Variants in CSMD1 observed in about 807,000 individuals in gnomAD.
CSMD1 encodes the protein CUB and Sushi multiple domains 1.
Under a neutral mutation model 417.5 loss-of-function variants are expected in CSMD1, and 213 were observed. The ratio of observed to expected loss-of-function variants is 0.51; its 90% CI spans 0.46 to 0.57. CSMD1 has a LOEUF of 0.57. Ranked by LOEUF, CSMD1 falls within the 20% of genes least tolerant of loss-of-function variation. CSMD1 has a pLI of 0.00. For synonymous variants in CSMD1, 2,862 were observed against 1,736.8 expected, an observed-to-expected ratio of 1.65 and a Z score of -16.11; for missense variants, 6,923 against 4,529.7, an observed-to-expected ratio of 1.53 and a Z score of -15.17.
At chr8:4,036,168 A>C (rs536314536) in intron 3 of CSMD1, among the ~76,000 whole-genome samples, 30 of 152,270 alleles carry the variant, frequency 2.0e-4, no homozygotes, top group African/African-American at 7.0e-4. Flanking sequence ...GGGTTTGTGT[A>C]AGTGTGCTCT....
rs569981811 is a variant in CSMD1, at chr8:3,492,224, T to TC, written c.1448+1398dup. Among the ~76,000 whole-genome samples, 282 of 152,210 alleles carry TC rather than the reference T, an allele frequency of 1.9e-3. 1 individual carries two copies. Among genetic ancestry groups the TC allele is most frequent in the Middle Eastern group, 6.8e-3 (2 of 294 alleles). Reference sequence around the variant, plus strand: ...TCCATTGCTTCAGTGGAGTGTTATTTCCCCAAGCAACCAGTGGCATGCCGC... The same window carrying TC: ...TCCATTGCTTCAGTGGAGTGTTATTTCCCCCAAGCAACCAGTGGCATGCCGC... On this transcript the variant is annotated intron_variant, in intron 11 of 69. Transcript: ENST00000635120.
At position 3,278,491 on chromosome 8, in the gene CSMD1, G is replaced by A. The variant is rs554916560; in HGVS notation, c.4153+5653C>T. Reference sequence around the variant, plus strand: ...ATTGAATAAATGTCATTTTTGCTTGGAAACAATGGCCACACTTAAAACATC... The same window carrying A: ...ATTGAATAAATGTCATTTTTGCTTGAAAACAATGGCCACACTTAAAACATC... On this transcript the variant is annotated intron_variant, in intron 26 of 69. Coordinates refer to ENST00000635120, the MANE Select transcript of CSMD1 (RefSeq NM_033225.6). The A allele has an allele frequency of 3.3e-5, 5 of 152,150 alleles. No homozygotes were observed. In the East Asian group the frequency reaches 7.7e-4, roughly 24 times the overall value. 9.4% of individuals were successfully genotyped at this position (152,150 alleles called of 1,614,324 possible).
chr8:4,042,620 A>C (rs1323486445), intron 3 of CSMD1, among the ~76,000 whole-genome samples: 1 of 151,976 alleles, frequency 6.6e-6, no homozygotes, highest in South Asian at 2.1e-4. Context: ...CGTATGGGGA[A>C]TTATAAAATA....
At chr8:3,956,788 T>A (rs1811977352) in intron 5 of CSMD1, among the ~76,000 whole-genome samples, 1 of 152,064 alleles carries the variant, frequency 6.6e-6, no homozygotes, top group Admixed American at 6.5e-5. Flanking sequence ...GAAGAATCGA[T>A]TTAGGAGCTT....
intron 3 of CSMD1, among the ~76,000 whole-genome samples, chr8:4,152,495 C>T (rs554366917): frequency 1.3e-5 from 2 of 149,034 alleles, no homozygotes; most frequent in East Asian, 2.0e-4. Context: ...ATGGAAAACA[C>T]TGCAAAGCCC....
intron 26 of CSMD1, chr8:3,279,029 G>C (rs982553976): frequency 1.3e-5 from 2 of 152,152 alleles, no homozygotes; most frequent in African/African-American, 4.8e-5. Flanking sequence ...ATGTTTATCA[G>C]GTTCTCAGGG....
At chr8:4,611,268 T>C (rs1415788063) in intron 2 of CSMD1, among the ~76,000 whole-genome samples, 2 of 152,202 alleles carry the variant, frequency 1.3e-5, no homozygotes, top group Admixed American at 1.3e-4. Context: ...CTTAATCCTG[T>C]GTTGTGAAAA....
intron 25 of CSMD1, among the ~76,000 whole-genome samples, chr8:3,295,201 T>A (rs1179982567): frequency 1.3e-5 from 2 of 152,104 alleles, no homozygotes; most frequent in Non-Finnish European, 2.9e-5. Context: ...CTTGGCTCAC[T>A]GGAAGCTCTG....
chr8:3,422,146 C>T (rs1035495415), intron 12 of CSMD1, among the ~76,000 whole-genome samples: 2 of 152,134 alleles, frequency 1.3e-5, no homozygotes, highest in Non-Finnish European at 2.9e-5. Flanking sequence ...TACTCTGCAC[C>T]AGTGTTTCAT....
intron 1 of CSMD1, among the ~76,000 whole-genome samples, chr8:4,909,601 C>A (rs1211394503): frequency 6.6e-6 from 1 of 152,138 alleles, no homozygotes; most frequent in African/African-American, 2.4e-5. Context: ...CTGGAATTTT[C>A]ACCGTGAGCA....
At chr8:3,469,980 T>TCATA (rs1269549409) in intron 11 of CSMD1, among the ~76,000 whole-genome samples, 2 of 152,226 alleles carry the variant, frequency 1.3e-5, no homozygotes, top group African/African-American at 2.4e-5. Context: ...TCTTTCTTAT[T>TCATA]CATACATTTA....
At chr8:4,693,698 C>G (rs774170833) in intron 1 of CSMD1, among the ~76,000 whole-genome samples, 3 of 151,808 alleles carry the variant, frequency 2.0e-5, no homozygotes, top group African/African-American at 7.3e-5. Context: ...TGAGGTCTCC[C>G]TACGCTTCCC....
chr8:4,954,046 T>C (rs1242112133), intron 1 of CSMD1, among the ~76,000 whole-genome samples: 1 of 152,076 alleles, frequency 6.6e-6, no homozygotes, highest in Non-Finnish European at 1.5e-5. Context: ...AAGAATTGAG[T>C]GCTTTTCTTT....
At chr8:4,837,036 T>G (rs1019855347) in intron 1 of CSMD1, among the ~76,000 whole-genome samples, 4 of 149,548 alleles carry the variant, frequency 2.7e-5, no homozygotes, top group African/African-American at 1.0e-4. Context: ...TTGTTGTTGT[T>G]GTTAAGAGAC....
chr8:3,077,301 C>T (rs1813752618), intron 49 of CSMD1, among the ~76,000 whole-genome samples: 1 of 152,170 alleles, frequency 6.6e-6, no homozygotes, highest in Non-Finnish European at 1.5e-5. Context: ...CAGTGGGTGC[C>T]TAGGTCCCCC....
intron 1 of CSMD1, among the ~76,000 whole-genome samples, chr8:4,726,306 C>T (rs142975260): frequency 6.7e-6 from 1 of 150,096 alleles, no homozygotes; most frequent in East Asian, 2.0e-4. Context: ...AAGTGGGTAG[C>T]GGGTTCTTTA....
Position 4,160,802 on chromosome 8 carries a change from T to A in CSMD1, c.416-128703A>T, listed in dbSNP as rs184723769. On this transcript the variant is annotated intron_variant, in intron 3 of 69. Coordinates refer to ENST00000635120, the MANE Select transcript of CSMD1 (RefSeq NM_033225.6). Reference sequence around the variant, plus strand: ...CATCATTTTACCCGTGAAGGTGGTGTACTGTAAATATCAGAAAAGAAGAAG... The same window carrying A: ...CATCATTTTACCCGTGAAGGTGGTGAACTGTAAATATCAGAAAAGAAGAAG... Among the ~76,000 whole-genome samples, 14 of 152,346 alleles carry A rather than the reference T, an allele frequency of 9.2e-5. No individual in the cohort carries two copies. In the East Asian group the frequency reaches 2.5e-3, roughly 27 times the overall value.
intron 7 of CSMD1, among the ~76,000 whole-genome samples, chr8:3,626,263 G>C (rs565454491): frequency 2.0e-5 from 3 of 152,184 alleles, no homozygotes; most frequent in South Asian, 4.1e-4. Context: ...TTCTGCTCTA[G>C]TCTCCTTCTG....
intron 48 of CSMD1, 57 bp from the exon 49 acceptor site, chr8:3,087,342 C>T (rs1814612981): frequency 3.9e-6 from 6 of 1,550,790 alleles, no homozygotes; most frequent in African/African-American, 1.4e-5. Context: ...ATGGCCAGTG[C>T]CATTGCCTTT....
Sources: gnomAD v4.1 joint callset for allele counts (sites outside exome capture counted in the v4.1 genomes callset) on GRCh38, gnomAD v4.1.1 for gene constraint, MANE v1.5 for transcripts, NCBI Gene and HGNC (gene_info 2026-07-23, HGNC 2026-07-21) for gene names.